The following CEACAM1 variants were observed in gnomAD, a reference collection of about 807,000 sequenced individuals.
CEACAM1 encodes CEA cell adhesion molecule 1, also known as cell adhesion molecule CEACAM1.
Under a neutral mutation model 49.1 loss-of-function variants are expected in CEACAM1, and 31 were observed. The ratio of observed to expected loss-of-function variants is 0.63; its 90% confidence interval spans 0.47 to 0.85. CEACAM1 has a LOEUF of 0.85. Ranked by LOEUF, CEACAM1 falls within the 40% of genes least tolerant of loss-of-function variation. The probability of loss-of-function intolerance (pLI) is 0.00; values close to 1 mark genes in which losing one functional copy is unlikely to be tolerated. For missense variants in CEACAM1, 570 were observed against 645.3 expected (o/e 0.88, Z 1.26); for synonymous variants, 244 against 247.8 (o/e 0.98, Z 0.14).
chr19:42,522,285 T>G, intron 2 of CEACAM1, 83 bp from the exon 3 acceptor site: 1 of 1,555,890 alleles, frequency 6.4e-7, no homozygotes, highest in Non-Finnish European at 8.6e-7. Context: ...ATTTATTTAT[T>G]TTTTTTGGAG....
chr19:42,520,205 G>C (rs1456533151), intron 4 of CEACAM1, among the ~76,000 whole-genome samples: 2 of 152,208 alleles, frequency 1.3e-5, no homozygotes, highest in Non-Finnish European at 2.9e-5. Flanking sequence ...CCCTGTGGCT[G>C]AATCTCCCGA....
chr19:42,522,312 T>C, intron 2 of CEACAM1, 110 bp from the exon 3 acceptor site: 1 of 1,516,532 alleles, frequency 6.6e-7, no homozygotes, highest in Non-Finnish European at 8.8e-7. Flanking sequence ...CCTCGCTCTG[T>C]CACCCAGGCT....
In CEACAM1 at chr19:42,508,868, C is replaced by T; in HGVS notation, c.*241G>A. The T allele has an allele frequency of 6.7e-6, 3 of 445,790 alleles. No individual in the cohort carries two copies. The highest frequency in any genetic ancestry group is 1.2e-5 in the Non-Finnish European group (3 of 248,122). The allele number at this position is 445,790 out of a possible 1,614,324, so 27.6% of individuals were successfully genotyped here. A position where few individuals can be genotyped will look rare whatever the true frequency, so the allele number is the denominator to read the frequency against. On this transcript the variant is annotated 3_prime_UTR_variant, in exon 9 of 9. Transcript: ENST00000161559. The stretch of plus-strand genomic sequence containing the variant: ...TCTGGTCCCTCTTTCCCAAAGTCAG[C>T]TTTGCCAAATTTCAATGACAAGAAG...
rs563641508 is a variant in CEACAM1, at chr19:42,516,897, CAAAA to C, written c.1246+2047_1246+2050del. The C allele has an allele frequency of 9.8e-3, 4,143 of 422,794 alleles. 38 individuals carry two copies. The highest frequency in any genetic ancestry group is 0.013 in the Non-Finnish European group (2,750 of 215,282). The allele number at this position is 422,794 out of a possible 1,614,324, so 26.2% of individuals were successfully genotyped here. On this transcript the variant is annotated intron_variant, in intron 5 of 8. Transcript: ENST00000161559. ...AGAAAAGCAAAAAAACAAAACAAAA[CAAAA>C]AAACCCAAACAACAACAATAAAACA...
At chr19:42,512,957 C>T (rs920257689) in intron 5 of CEACAM1, among the ~76,000 whole-genome samples, 6 of 152,174 alleles carry the variant, frequency 3.9e-5, no homozygotes, top group African/African-American at 1.2e-4. Flanking sequence ...TGAGCCACTG[C>T]GCCCAACCCC....
At chr19:42,519,379 C>T in intron 4 of CEACAM1, 144 bp from the exon 5 acceptor site, 1 of 734,792 alleles carries the variant, frequency 1.4e-6, no homozygotes, top group South Asian at 1.7e-5. Flanking sequence ...CAGGGGATAG[C>T]CCTGACCCTC....
intron 5 of CEACAM1, among the ~76,000 whole-genome samples, chr19:42,513,634 ACTTC>A: frequency 6.7e-6 from 1 of 150,168 alleles, no homozygotes; most frequent in Non-Finnish European, 1.5e-5. Flanking sequence ...TCAATCTAAA[ACTTC>A]CTTCCTCTCT....
At chr19:42,521,168 G>C in intron 4 of CEACAM1, 99 bp downstream of exon 4, 1 of 1,336,398 alleles carries the variant, frequency 7.5e-7, no homozygotes, top group Non-Finnish European at 1.1e-6. Context: ...TGTGCCTGTT[G>C]GATACAGGCT....
chr19:42,513,917 T>TATATATATATATATATATATATATATAA (rs1395679051), intron 5 of CEACAM1, among the ~76,000 whole-genome samples: 1 of 129,648 alleles, frequency 7.7e-6, no homozygotes, highest in African/African-American at 3.5e-5. Flanking sequence ...TATATATATA[T>TATATATATATATATATATATATATATAA]AATATATAAA....
At chr19:42,510,784 A>C (rs2041437791) in intron 8 of CEACAM1, 105 bp downstream of exon 8, 1 of 1,047,164 alleles carries the variant, frequency 9.5e-7, no homozygotes. Context: ...TGCACTGAGG[A>C]ACATTAACCC....
intron 7 of CEACAM1, chr19:42,511,199 A>G (rs1422119050): frequency 1.4e-5 from 8 of 576,542 alleles, no homozygotes; most frequent in Non-Finnish European, 2.5e-5. Flanking sequence ...CTCCAGTGGC[A>G]AGGAGGGGCA....
At chr19:42,525,224 A>AT (rs538996240) in intron 2 of CEACAM1, among the ~76,000 whole-genome samples, 16,904 of 131,024 alleles carry the variant, frequency 0.13, 2,401 homozygotes, top group African/African-American at 0.36. Flanking sequence ...AGGCCTGAAC[A>AT]TTTTTTTTTT....
rs1380532564 is a variant in CEACAM1 at position 42,522,157 on chromosome 19, A to T, written c.470T>A (p.Val157Glu). 7 of 1,614,094 alleles carry T rather than the reference A, an allele frequency of 4.3e-6. No individual in the cohort carries two copies. In the Admixed American group the frequency reaches 1.2e-4, roughly 27 times the overall value. ...GAAGGCCACAGCATCCTTGTCCTCCACAGGGTTGGAGTTGTTGCTGGAGAT... is the reference window on the plus strand; with the variant it reads ...GAAGGCCACAGCATCCTTGTCCTCCTCAGGGTTGGAGTTGTTGCTGGAGAT... Reference protein sequence around the residue: ...PSISSNNSNPVEDKDAVAFTC... With the variant: ...PSISSNNSNPEEDKDAVAFTC... Residue 157 changes from valine to glutamate, a missense_variant, in exon 3 of 9, where the codon GTG becomes GAG. By Grantham distance (121) the Val-to-Glu change is moderately radical. Transcript: ENST00000161559.
intron 2 of CEACAM1, among the ~76,000 whole-genome samples, chr19:42,524,580 A>G (rs1385503104): frequency 6.6e-6 from 1 of 151,946 alleles, no homozygotes; most frequent in African/African-American, 2.4e-5. Flanking sequence ...TGCCTTTCCT[A>G]TTGCCTGGGA....
chr19:42,524,163 T>G (rs567276479), intron 2 of CEACAM1, among the ~76,000 whole-genome samples: 3 of 152,220 alleles, frequency 2.0e-5, no homozygotes, highest in Non-Finnish European at 4.4e-5. Flanking sequence ...AGAGTCTAAG[T>G]GAGACACCAG....
chr19:42,521,050 C>T lies in CEACAM1; in HGVS notation c.958+217G>A, dbSNP rs545839986. On this transcript the variant is annotated intron_variant, in intron 4 of 8. Transcript: ENST00000161559. ...TTCTGGGGCTGAGAGAACCCCCTCC[C>T]CACATTCCAGGCTGGACCTAAGGTC... 2.6e-4 allele frequency: 144 copies of T among 555,740 alleles called. 1 individual carries two copies. Among genetic ancestry groups the T allele is most frequent in the South Asian group, 1.1e-3 (44 of 38,768 alleles). 34.4% of individuals were successfully genotyped at this position (555,740 alleles called of 1,614,324 possible). A position where few individuals can be genotyped will look rare whatever the true frequency, so the allele number is the denominator to read the frequency against.
intron 5 of CEACAM1, among the ~76,000 whole-genome samples, chr19:42,512,908 C>T (rs576757488): frequency 5.3e-5 from 8 of 152,152 alleles, no homozygotes; most frequent in African/African-American, 1.2e-4. Flanking sequence ...CCTCATGATC[C>T]GCCTGCCTCG....
At chr19:42,526,961 C>T (rs2041906192) in intron 2 of CEACAM1, 80 bp downstream of exon 2, 1 of 1,560,912 alleles carries the variant, frequency 6.4e-7, no homozygotes, top group Non-Finnish European at 8.6e-7. Context: ...AGGACACAGG[C>T]ACAGCCCAGG....
chr19:42,521,947 T>C lies in CEACAM1; in HGVS notation c.680A>G (p.Asp227Gly), dbSNP rs759113495. 1 of 1,614,224 alleles carries C rather than the reference T, an allele frequency of 6.2e-7. No individual in the cohort carries two copies. Residue 227 changes from aspartate (D) to glycine (G), a missense_variant, in exon 3 of 9, where the codon GAC becomes GGC. Asp to Gly is a moderately conservative substitution (Grantham distance 94, BLOSUM62 -1). Transcript: ENST00000161559. ...IQNPVSANRS[D>G]PVTLNVTYGP... ...ACAGGTGACATTCAAGGTGACTGGG[T>C]CACTGCGGTTCGCACTCACTGGGTT...
Sources: gnomAD v4.1 joint callset for allele counts (sites outside exome capture counted in the v4.1 genomes callset) on GRCh38, gnomAD v4.1.1 for gene constraint, MANE v1.5 for transcripts, NCBI Gene and HGNC (gene_info 2026-07-23, HGNC 2026-07-21) for gene names.